POU6F2: variants seen among roughly 807,000 people sequenced by gnomAD.
POU6F2 encodes the protein POU domain, class 6, transcription factor 2.
Under a neutral mutation model 71.3 loss-of-function variants are expected in POU6F2, and 31 were observed. The ratio of observed to expected loss-of-function variants is 0.43; its 90% CI spans 0.33 to 0.59. The LOEUF is 0.59. Ranked by LOEUF, POU6F2 falls within the 20% of genes least tolerant of loss-of-function variation. The pLI, the probability that POU6F2 is intolerant of heterozygous loss-of-function variation, is 0.04. For missense variants in POU6F2, 783 were observed against 856.8 expected, an observed-to-expected ratio of 0.91 and a Z score of 1.07; for synonymous variants, 347 against 355.7, an observed-to-expected ratio of 0.98 and a Z score of 0.27.
At chr7:39,045,895 T>G (rs1317636882) in intron 1 of POU6F2, among the ~76,000 whole-genome samples, 1 of 151,960 alleles carries the variant, frequency 6.6e-6, no homozygotes, top group Non-Finnish European at 1.5e-5. Flanking sequence ...TCTTTTGCTA[T>G]TAAGAGTAAT....
intron 4 of POU6F2, among the ~76,000 whole-genome samples, chr7:39,215,770 A>G (rs1356167374): frequency 2.6e-5 from 4 of 152,218 alleles, no homozygotes; most frequent in South Asian, 2.1e-4. Context: ...CAGAGACCCA[A>G]TGGATGAGAG....
intron 2 of POU6F2, among the ~76,000 whole-genome samples, chr7:39,147,097 G>A (rs888395423): frequency 2.0e-5 from 3 of 152,090 alleles, no homozygotes; most frequent in Admixed American, 6.5e-5. Flanking sequence ...TATTATCTGA[G>A]TGGTGGGACT....
intron 4 of POU6F2, among the ~76,000 whole-genome samples, chr7:39,281,203 A>G (rs1253380583): frequency 6.6e-6 from 1 of 152,116 alleles, no homozygotes; most frequent in East Asian, 1.9e-4. Flanking sequence ...CTTGTGGGGT[A>G]TAGTGTGATG....
intron 4 of POU6F2, among the ~76,000 whole-genome samples, chr7:39,267,621 A>C (rs770329602): frequency 6.7e-6 from 1 of 149,512 alleles, no homozygotes; most frequent in Non-Finnish European, 1.5e-5. Context: ...CTTTTCATAC[A>C]TTTAAAAATA....
intron 1 of POU6F2, among the ~76,000 whole-genome samples, chr7:39,060,957 A>T (rs1327702988): frequency 1.3e-5 from 2 of 152,088 alleles, no homozygotes; most frequent in East Asian, 3.9e-4. Context: ...AAGCTTAAAA[A>T]AAAAAAAAAC....
At chr7:39,235,108 G>C (rs532183780) in intron 4 of POU6F2, among the ~76,000 whole-genome samples, 6 of 152,144 alleles carry the variant, frequency 3.9e-5, no homozygotes, top group Non-Finnish European at 8.8e-5. Flanking sequence ...TTATGTTCCA[G>C]GATTTGCTAC....
chr7:39,277,711 G>A (rs140928056), intron 4 of POU6F2, among the ~76,000 whole-genome samples: 2 of 152,084 alleles, frequency 1.3e-5, no homozygotes, highest in Non-Finnish European at 2.9e-5. Flanking sequence ...GGCCACCGAA[G>A]TGGTTAGGGG....
intron 4 of POU6F2, among the ~76,000 whole-genome samples, chr7:39,314,943 A>C (rs1010344512): frequency 6.6e-6 from 1 of 152,178 alleles, no homozygotes; most frequent in Non-Finnish European, 1.5e-5. Flanking sequence ...CTTCTGAAAG[A>C]TGGTCTTCAG....
intron 1 of POU6F2, among the ~76,000 whole-genome samples, chr7:39,010,784 C>T (rs1334531997): frequency 2.7e-5 from 4 of 146,316 alleles, no homozygotes; most frequent in African/African-American, 1.0e-4. Context: ...GTTATGTACC[C>T]AGTAGTCATT....
chr7:39,279,816 G>C (rs1008949854), intron 4 of POU6F2, among the ~76,000 whole-genome samples: 1 of 151,938 alleles, frequency 6.6e-6, no homozygotes, highest in Non-Finnish European at 1.5e-5. Flanking sequence ...GAGCGATCTC[G>C]GCTTCCTGCA....
intron 1 of POU6F2, among the ~76,000 whole-genome samples, chr7:39,039,028 G>A (rs917547554): frequency 6.6e-6 from 1 of 151,928 alleles, no homozygotes; most frequent in African/African-American, 2.4e-5. Flanking sequence ...TGGATTTAGG[G>A]CATGGATTCA....
chr7:39,313,855 T>C (rs1785211381), intron 4 of POU6F2, among the ~76,000 whole-genome samples: 1 of 152,218 alleles, frequency 6.6e-6, no homozygotes, highest in African/African-American at 2.4e-5. Context: ...TCAGAGCTAA[T>C]GATAAAATCA....
chr7:39,394,915 A>G lies in POU6F2; in HGVS notation c.973-11685A>G, dbSNP rs182094616. On this transcript the variant is annotated intron_variant, in intron 5 of 9. Transcript: ENST00000518318. ...TCCGATACTCTAGAAGCTTGCAGGG[A>G]GAGACCACACCACCATACCTGACAC... Among the ~76,000 whole-genome samples, 820 of 152,246 alleles carry G rather than the reference A, an allele frequency of 5.4e-3. 1 individual carries two copies. The highest frequency in any genetic ancestry group is 9.1e-3 in the Non-Finnish European group (618 of 68,016).
chr7:39,191,526 A>G (rs1317709056), intron 2 of POU6F2, among the ~76,000 whole-genome samples: 8 of 151,896 alleles, frequency 5.3e-5, no homozygotes, highest in Non-Finnish European at 1.0e-4. Context: ...GGATATTTAC[A>G]TAAGATGAGC....
At chr7:39,131,194 C>G (rs1363304456) in intron 2 of POU6F2, among the ~76,000 whole-genome samples, 1 of 152,156 alleles carries the variant, frequency 6.6e-6, no homozygotes, top group African/African-American at 2.4e-5. Flanking sequence ...CTTTTTTCCC[C>G]TTCCCCTCCT....
At chr7:39,316,521 G>A (rs1251508384) in intron 4 of POU6F2, among the ~76,000 whole-genome samples, 3 of 152,150 alleles carry the variant, frequency 2.0e-5, no homozygotes, top group African/African-American at 7.2e-5. Context: ...TGCAGTGTGA[G>A]TGAGTCTCAC....
At chr7:39,266,868 T>A (rs868386500) in intron 4 of POU6F2, among the ~76,000 whole-genome samples, 2 of 152,084 alleles carry the variant, frequency 1.3e-5, no homozygotes, top group Non-Finnish European at 2.9e-5. Flanking sequence ...AAGCCTGTCT[T>A]CTAGCTATTT....
At chr7:39,071,951 T>C (rs1419998865) in intron 1 of POU6F2, among the ~76,000 whole-genome samples, 1 of 152,066 alleles carries the variant, frequency 6.6e-6, no homozygotes, top group Non-Finnish European at 1.5e-5. Flanking sequence ...TTGATTAGAG[T>C]TTTGCTTGGC....
chr7:39,235,045 C>A (rs1475126872), intron 4 of POU6F2, among the ~76,000 whole-genome samples: 1 of 152,198 alleles, frequency 6.6e-6, no homozygotes, highest in Non-Finnish European at 1.5e-5. Flanking sequence ...TCTGTCTCTG[C>A]TGTCTTTAGG....
Sources: gnomAD v4.1 joint callset for allele counts (sites outside exome capture counted in the v4.1 genomes callset) on GRCh38, gnomAD v4.1.1 for gene constraint, MANE v1.5 for transcripts, NCBI Gene and HGNC (gene_info 2026-07-23, HGNC 2026-07-21) for gene names.